SLC35F1: variants seen among roughly 807,000 people sequenced by gnomAD.
SLC35F1 encodes the protein solute carrier family 35 member F1.
A neutral mutation model predicts 48.7 loss-of-function variants in SLC35F1; 14 were observed. The ratio of observed to expected loss-of-function variants is 0.29; its 90% confidence interval spans 0.19 to 0.45. The LOEUF is 0.45. Ranked by LOEUF, SLC35F1 falls within the 20% of genes least tolerant of loss-of-function variation. SLC35F1 has a pLI of 1.00. For missense variants in SLC35F1, 404 were observed against 500.0 expected, an observed-to-expected ratio of 0.81 and a Z score of 1.83; for synonymous variants, 190 against 202.2, an observed-to-expected ratio of 0.94 and a Z score of 0.51.
At chr6:118,068,371 T>C (rs1445930498) in intron 1 of SLC35F1, among the ~76,000 whole-genome samples, 2 of 152,142 alleles carry the variant, frequency 1.3e-5, no homozygotes, top group Non-Finnish European at 2.9e-5. Context: ...AAGTTAGACA[T>C]GTGTAAGAAG....
At chr6:118,232,547 CCAAAAAAAAAAAA>C (rs1775305583) in intron 2 of SLC35F1, among the ~76,000 whole-genome samples, 1 of 110,214 alleles carries the variant, frequency 9.1e-6, no homozygotes, top group Admixed American at 9.4e-5. Context: ...AAACTCCATC[CCAAAAAAAAAAAA>C]AAAAAAAAGG....
At chr6:118,126,272 C>A (rs1471494279) in intron 1 of SLC35F1, among the ~76,000 whole-genome samples, 1 of 152,056 alleles carries the variant, frequency 6.6e-6, no homozygotes, top group Admixed American at 6.6e-5. Flanking sequence ...AAATAACCTG[C>A]CATAGATCAG....
Position 118,188,344 on chromosome 6 carries a change from G to A in SLC35F1, c.349+33724G>A, listed in dbSNP as rs138492303. Among the ~76,000 whole-genome samples the A allele has an allele frequency of 5.6e-3, 851 of 152,278 alleles. 8 individuals carry two copies. Among genetic ancestry groups the A allele is most frequent in the African/African-American group, 0.019 (801 of 41,546 alleles). ...GCGGGTGGATCACCCGAAGACAGGC[G>A]TTCGAGACAAGCCTGGCCAACATGG... On this transcript the variant is annotated intron_variant, in intron 2 of 7. Transcript: ENST00000360388.
intron 1 of SLC35F1, among the ~76,000 whole-genome samples, chr6:117,983,659 C>T (rs1043670326): frequency 1.3e-5 from 2 of 152,128 alleles, no homozygotes; most frequent in East Asian, 1.9e-4. Context: ...AAAGTTTTTT[C>T]CTGATCCACA....
At chr6:118,158,716 C>T (rs1774180847) in intron 2 of SLC35F1, among the ~76,000 whole-genome samples, 1 of 152,236 alleles carries the variant, frequency 6.6e-6, no homozygotes, top group South Asian at 2.1e-4. Context: ...ACTGGAGTCA[C>T]GATCAAAGAC....
chr6:118,178,915 T>C (rs975735011), intron 2 of SLC35F1, among the ~76,000 whole-genome samples: 49 of 152,148 alleles, frequency 3.2e-4, no homozygotes, highest in African/African-American at 1.2e-3. Flanking sequence ...ATGGGAGCCA[T>C]AACAGAAAGA....
At chr6:118,225,749 G>A (rs1042836004) in intron 2 of SLC35F1, among the ~76,000 whole-genome samples, 4 of 151,970 alleles carry the variant, frequency 2.6e-5, no homozygotes, top group South Asian at 2.1e-4. Context: ...AGTGGCAGGC[G>A]CCTGTAGTCC....
intron 1 of SLC35F1, among the ~76,000 whole-genome samples, chr6:118,132,876 C>T (rs1773735195): frequency 2.6e-5 from 4 of 152,192 alleles, no homozygotes. Context: ...GGTATATCTG[C>T]TGTCTCCTTC....
At chr6:118,153,617 G>A (rs987422542) in intron 1 of SLC35F1, among the ~76,000 whole-genome samples, 2 of 152,222 alleles carry the variant, frequency 1.3e-5, no homozygotes, top group South Asian at 2.1e-4. Flanking sequence ...TAAAGCTTGC[G>A]AGGGCATTTT....
At chr6:118,299,538 G>A (rs1047322900) in intron 7 of SLC35F1, among the ~76,000 whole-genome samples, 5 of 152,194 alleles carry the variant, frequency 3.3e-5, no homozygotes, top group African/African-American at 1.2e-4. Flanking sequence ...ATTTTAAAAT[G>A]TGATGATATA....
intron 3 of SLC35F1, among the ~76,000 whole-genome samples, chr6:118,245,399 A>G (rs1271303954): frequency 6.6e-6 from 1 of 152,054 alleles, no homozygotes; most frequent in African/African-American, 2.4e-5. Context: ...GGTTTGTGTG[A>G]CCTTGTGGCC....
intron 1 of SLC35F1, among the ~76,000 whole-genome samples, chr6:118,112,064 CTT>C (rs57011505): frequency 0.028 from 4,143 of 150,546 alleles, 223 homozygotes; most frequent in African/African-American, 0.095. Context: ...TTCTTTCTTT[CTT>C]TCTTTTTCTT....
At chr6:118,209,668 T>C (rs1774978608) in intron 2 of SLC35F1, among the ~76,000 whole-genome samples, 2 of 152,164 alleles carry the variant, frequency 1.3e-5, no homozygotes, top group African/African-American at 4.8e-5. Context: ...AAAGATTATA[T>C]ATATTGTCTT....
At chr6:117,970,282 G>A (rs1298272971) in intron 1 of SLC35F1, among the ~76,000 whole-genome samples, 1 of 152,224 alleles carries the variant, frequency 6.6e-6, no homozygotes, top group Non-Finnish European at 1.5e-5. Context: ...TGACTATAGT[G>A]ATGATAAGAA....
chr6:117,908,236 G>A (rs1004779210), intron 1 of SLC35F1, among the ~76,000 whole-genome samples: 1 of 152,130 alleles, frequency 6.6e-6, no homozygotes, highest in Non-Finnish European at 1.5e-5. Flanking sequence ...CTCGCACCCC[G>A]GCTTTGCGAT....
intron 2 of SLC35F1, among the ~76,000 whole-genome samples, chr6:118,179,823 T>G (rs1774545829): frequency 6.6e-6 from 1 of 152,122 alleles, no homozygotes; most frequent in South Asian, 2.1e-4. Flanking sequence ...AGACAGACAC[T>G]CTCACGCTGG....
At chr6:118,110,254 G>A (rs1015407200) in intron 1 of SLC35F1, among the ~76,000 whole-genome samples, 4 of 152,078 alleles carry the variant, frequency 2.6e-5, no homozygotes, top group East Asian at 1.9e-4. Context: ...AGAGAATTGA[G>A]GTCACAGCAG....
At chr6:118,027,466 T>A (rs1771975485) in intron 1 of SLC35F1, among the ~76,000 whole-genome samples, 1 of 152,170 alleles carries the variant, frequency 6.6e-6, no homozygotes, top group Non-Finnish European at 1.5e-5. Flanking sequence ...GGTCAGTCTT[T>A]TTAATTTTAG....
intron 3 of SLC35F1, among the ~76,000 whole-genome samples, chr6:118,236,303 A>G (rs1023977372): frequency 6.6e-6 from 1 of 152,162 alleles, no homozygotes; most frequent in Non-Finnish European, 1.5e-5. Flanking sequence ...TGACAGACAT[A>G]TATATTCCTC....
Sources: allele counts gnomAD v4.1 joint callset (sites outside exome capture counted in the v4.1 genomes callset), GRCh38; gene constraint gnomAD v4.1.1; transcripts MANE v1.5; gene names NCBI Gene and HGNC (gene_info 2026-07-23, HGNC 2026-07-21).